Variants in VGLL3 observed in about 807,000 individuals in gnomAD.
The protein encoded by VGLL3 is vestigial like family member 3.
Under a neutral mutation model 29.2 loss-of-function variants are expected in VGLL3, and 18 were observed. The ratio of observed to expected loss-of-function variants is 0.62; its 90% confidence interval spans 0.43 to 0.91. The LOEUF (loss-of-function observed/expected upper bound fraction) is 0.91. Ranked by LOEUF, VGLL3 falls within the 40% of genes least tolerant of loss-of-function variation. The probability of loss-of-function intolerance (pLI) is 0.00; values close to 1 mark genes in which losing one functional copy is unlikely to be tolerated. For missense variants in VGLL3, 440 were observed against 413.2 expected (o/e 1.06, Z -0.56); for synonymous variants, 180 against 151.8 (o/e 1.19, Z -1.36).
At chr3:86,990,319 C>T in intron 1 of VGLL3, 1 of 985,330 alleles carries the variant, frequency 1.0e-6, no homozygotes, top group Non-Finnish European at 1.2e-6. Context: ...AGATAGATGC[C>T]CTTGGTGAGC....
intron 2 of VGLL3, among the ~76,000 whole-genome samples, chr3:86,969,816 A>G (rs986260500): frequency 6.6e-6 from 1 of 152,018 alleles, no homozygotes; most frequent in African/African-American, 2.4e-5. Flanking sequence ...GGGGCTTTTC[A>G]TGGATAATCT....
chr3:86,968,884 C>T lies in VGLL3; in HGVS notation c.643G>A (p.Val215Met). Residue 215 changes from valine (V) to methionine (M), a missense_variant, in exon 3 of 4, where the codon GTG becomes ATG. Val to Met is a conservative substitution (Grantham distance 21). Coordinates refer to ENST00000398399, the MANE Select transcript of VGLL3 (RefSeq NM_016206.4). ...ESWPYPLTSQ[V>M]SPSYSHMHDV... ...TGCATATGGCTGTAGGATGGGCTCA[C>T]CTGAGATGTCAAAGGATAAGGCCAG... The T allele has an allele frequency of 6.2e-7, 1 of 1,614,064 alleles. No homozygotes were observed.
chr3:86,955,380 C>CTTTTT (rs67190879), intron 3 of VGLL3, among the ~76,000 whole-genome samples: 4 of 131,700 alleles, frequency 3.0e-5, no homozygotes, highest in Admixed American at 7.7e-5. Flanking sequence ...CTCTCTCTCT[C>CTTTTT]TTTTTTTTTT....
chr3:86,966,286 A>C (rs1033741203), intron 3 of VGLL3, among the ~76,000 whole-genome samples: 2 of 152,146 alleles, frequency 1.3e-5, no homozygotes, highest in African/African-American at 4.8e-5. Flanking sequence ...GATTTTCCCC[A>C]GAACTGCATG....
chr3:86,980,987 CTTTA>C (rs935425004), intron 1 of VGLL3, among the ~76,000 whole-genome samples: 2 of 152,088 alleles, frequency 1.3e-5, no homozygotes, highest in African/African-American at 4.8e-5. Context: ...CATATAAATG[CTTTA>C]TTTGTTTAAT....
intron 1 of VGLL3, among the ~76,000 whole-genome samples, chr3:86,984,555 C>T (rs1362411346): frequency 6.6e-6 from 1 of 152,200 alleles, no homozygotes; most frequent in Admixed American, 6.5e-5. Context: ...GGTATGTGTT[C>T]TCTCTCAAAC....
At chr3:86,950,171 C>T (rs1486005548) in intron 3 of VGLL3, among the ~76,000 whole-genome samples, 1 of 152,172 alleles carries the variant, frequency 6.6e-6, no homozygotes, top group African/African-American at 2.4e-5. Flanking sequence ...TCTGAAATCA[C>T]ATCTGCTTGC....
chr3:86,987,995 A>G (rs1189542338), intron 1 of VGLL3, among the ~76,000 whole-genome samples: 1 of 152,208 alleles, frequency 6.6e-6, no homozygotes, highest in Non-Finnish European at 1.5e-5. Context: ...TCAATGTTAT[A>G]TGATCATTTG....
At chr3:86,950,432 AG>A (rs1170543184) in intron 3 of VGLL3, among the ~76,000 whole-genome samples, 2 of 152,204 alleles carry the variant, frequency 1.3e-5, no homozygotes, top group Non-Finnish European at 2.9e-5. Context: ...TGAGAGAACT[AG>A]GATTTTAAAA....
In VGLL3 at chr3:86,968,623, C is replaced by G; in HGVS notation, c.904G>C (p.Val302Leu). The change falls in exon 3 of 4, where the codon GTA becomes CTA. Residue 302 changes from valine to leucine, a missense_variant. Physicochemically the swap from Val to Leu is conservative, Grantham distance 32. Coordinates refer to ENST00000398399, the MANE Select transcript of VGLL3 (RefSeq NM_016206.4). Reference sequence around the variant, plus strand: ...AATCCCACGCTGGGCACTATGTCTACTGTTCCATGAAAGGCTCCAGCCCAT... The same window carrying G: ...AATCCCACGCTGGGCACTATGTCTAGTGTTCCATGAAAGGCTCCAGCCCAT... ...SAWAGAFHGT[V>L]DIVPSVGFDT... The G allele has an allele frequency of 6.2e-7, 1 of 1,614,148 alleles. No individual in the cohort carries two copies. Among genetic ancestry groups the G allele is most frequent in the Non-Finnish European group, 8.5e-7 (1 of 1,180,042 alleles).
At chr3:86,953,007 T>G (rs1038121688) in intron 3 of VGLL3, among the ~76,000 whole-genome samples, 1 of 152,088 alleles carries the variant, frequency 6.6e-6, no homozygotes, top group Admixed American at 6.6e-5. Context: ...TGTGTAGGGG[T>G]AGGACCTTAA....
intron 2 of VGLL3, among the ~76,000 whole-genome samples, chr3:86,970,211 TTTATACACGACCTACTATGTATCAAA>T (rs1390250225): frequency 6.6e-6 from 1 of 152,084 alleles, no homozygotes; most frequent in African/African-American, 2.4e-5. Context: ...TAATAACACA[TTTATACACGACCTACTATGTATCAAA>T]CATAGGCGTC....
At chr3:86,971,670 A>G (rs1705104898) in intron 2 of VGLL3, among the ~76,000 whole-genome samples, 1 of 152,200 alleles carries the variant, frequency 6.6e-6, no homozygotes, top group Admixed American at 6.5e-5. Flanking sequence ...GAAAAATACT[A>G]TTAATGACAA....
chr3:86,965,770 C>T (rs538261929), intron 3 of VGLL3, among the ~76,000 whole-genome samples: 140 of 152,226 alleles, frequency 9.2e-4, no homozygotes, highest in African/African-American at 3.2e-3. Context: ...AGCCCAACCC[C>T]CTTGACCCCA....
chr3:86,948,942 A>G (rs1187118387), intron 3 of VGLL3, among the ~76,000 whole-genome samples: 2 of 152,194 alleles, frequency 1.3e-5, no homozygotes, highest in Non-Finnish European at 2.9e-5. Context: ...AACTCTTGTA[A>G]TCTAAACCAC....
Position 86,944,655 on chromosome 3 carries a change from G to A in VGLL3, c.*2369C>T, listed in dbSNP as rs1389538530. 1 of 152,200 alleles carries A rather than the reference G, an allele frequency of 6.6e-6. No individual in the cohort carries two copies. Among genetic ancestry groups the A allele is most frequent in the African/African-American group, 2.4e-5 (1 of 41,446 alleles). The allele number at this position is 152,200 out of a possible 1,614,324, so 9.4% of individuals were successfully genotyped here. ...GTTCCTCAGAGCCAATAAACTTTTT[G>A]TCTGACAGTTACCGGGAGAACACAG... On this transcript the variant is annotated 3_prime_UTR_variant, in exon 4 of 4. Coordinates refer to ENST00000398399, the MANE Select transcript of VGLL3 (RefSeq NM_016206.4).
At chr3:86,952,788 T>C (rs1704641919) in intron 3 of VGLL3, among the ~76,000 whole-genome samples, 1 of 152,314 alleles carries the variant, frequency 6.6e-6, no homozygotes, top group South Asian at 2.1e-4. Context: ...CTGTGTCAGA[T>C]GCTACATCAA....
At chr3:86,961,163 G>A (rs186390085) in intron 3 of VGLL3, among the ~76,000 whole-genome samples, 163 of 152,044 alleles carry the variant, frequency 1.1e-3, no homozygotes, top group Admixed American at 3.3e-3. Flanking sequence ...AAATAAATCT[G>A]TGGATCTACA....
rs1559718989 is a variant in VGLL3 at position 86,948,698 on chromosome 3, GCTC to G, written c.938-1634_938-1632del. Among the ~76,000 whole-genome samples the G allele has an allele frequency of 2.0e-4, 31 of 152,058 alleles. 1 individual carries two copies. Among genetic ancestry groups the G allele is most frequent in the Non-Finnish European group, 2.1e-4 (14 of 67,998 alleles). The stretch of plus-strand genomic sequence containing the variant: ...ACACTTCCTGAATGCCAAAAGATTG[GCTC>G]CACCTTTTTCTTTTTACCACAAGCA... On this transcript the variant is annotated intron_variant, in intron 3 of 3. Transcript: ENST00000398399.
Sources: gnomAD v4.1 joint callset for allele counts (sites outside exome capture counted in the v4.1 genomes callset) on GRCh38, gnomAD v4.1.1 for gene constraint, MANE v1.5 for transcripts, NCBI Gene and HGNC (gene_info 2026-07-23, HGNC 2026-07-21) for gene names.